The following PTPRO variants were observed in gnomAD, a reference collection of about 807,000 sequenced individuals.
PTPRO encodes protein tyrosine phosphatase receptor type O, also known as receptor-type tyrosine-protein phosphatase O.
In PTPRO, 62 loss-of-function variants were observed where a neutral mutation model predicts 145.2. The ratio of observed to expected loss-of-function variants is 0.43; its 90% CI spans 0.35 to 0.53. The LOEUF is 0.53. Among genes scored for constraint, PTPRO ranks in the 20% least tolerant of loss-of-function variants. PTPRO has a pLI of 0.01. For synonymous variants in PTPRO, 565 were observed against 514.7 expected (o/e 1.10, Z -1.32); for missense variants, 1,345 against 1,482.7 (o/e 0.91, Z 1.53).
At chr12:15,487,688 A>G (rs991431283) in intron 2 of PTPRO, among the ~76,000 whole-genome samples, 1 of 152,146 alleles carries the variant, frequency 6.6e-6, no homozygotes, top group Non-Finnish European at 1.5e-5. Flanking sequence ...GAGAGACAGT[A>G]GACTCTGTTT....
chr12:15,499,797 A>G (rs1055237777), intron 4 of PTPRO, among the ~76,000 whole-genome samples: 23 of 152,226 alleles, frequency 1.5e-4, no homozygotes, highest in African/African-American at 5.5e-4. Flanking sequence ...ATGTCAATGT[A>G]ATCATAGATT....
intron 12 of PTPRO, among the ~76,000 whole-genome samples, chr12:15,540,441 T>C (rs1943158490): frequency 1.3e-5 from 2 of 152,248 alleles, no homozygotes; most frequent in African/African-American, 4.8e-5. Context: ...ATTTTAACAA[T>C]ACTTTTCTAC....
chr12:15,587,246 T>C (rs1944448989), intron 24 of PTPRO, 195 bp downstream of exon 24: 1 of 631,134 alleles, frequency 1.6e-6, no homozygotes, highest in East Asian at 2.9e-5. Context: ...CCCTATAAAA[T>C]AGATGTTATT....
intron 1 of PTPRO, among the ~76,000 whole-genome samples, chr12:15,472,696 G>A (rs1941569277): frequency 6.6e-6 from 1 of 152,174 alleles, no homozygotes; most frequent in African/African-American, 2.4e-5. Context: ...ATATTTGGAT[G>A]CAAATCTTGG....
chr12:15,484,214 A>T lies in PTPRO; in HGVS notation c.316A>T (p.Thr106Ser). 1 of 1,613,476 alleles carries T rather than the reference A, an allele frequency of 6.2e-7. No individual in the cohort carries two copies. ...TLVVVNGNVV[T>S]KPSRSITVLT... ...GGTAGTGGTAAATGGAAATGTGGTG[A>T]CCAAGCCATCCAGATCAATCACTGT... The change falls in exon 2 of 27, where the codon ACC (threonine) becomes TCC (serine). Residue 106 changes from threonine (T) to serine (S), a missense_variant. Physicochemically the swap from Thr to Ser is moderately conservative, Grantham distance 58. Transcript: ENST00000281171.
In PTPRO at chr12:15,552,578, GAATA is replaced by G. The variant is rs1332151363; in HGVS notation, c.2558+908_2558+911del. 2.6e-5 allele frequency among the ~76,000 whole-genome samples: 4 copies of G among 152,198 alleles called. No individual in the cohort carries two copies. In the East Asian group the frequency reaches 7.7e-4, roughly 29 times the overall value. The stretch of plus-strand genomic sequence containing the variant: ...AGCTTACTTACCTAACTGGATATAT[GAATA>G]GATAGATATATTTAAAGGCATAAGC... On this transcript the variant is annotated intron_variant, in intron 15 of 26. Coordinates refer to ENST00000281171, the MANE Select transcript of PTPRO (RefSeq NM_030667.3).
At chr12:15,467,554 C>G (rs928937823) in intron 1 of PTPRO, among the ~76,000 whole-genome samples, 1 of 152,010 alleles carries the variant, frequency 6.6e-6, no homozygotes, top group Non-Finnish European at 1.5e-5. Context: ...TAGTGGCCAT[C>G]ATTTCTCTCC....
At chr12:15,523,240 G>T (rs1174662956) in intron 10 of PTPRO, among the ~76,000 whole-genome samples, 2 of 152,222 alleles carry the variant, frequency 1.3e-5, no homozygotes, top group East Asian at 1.9e-4. Flanking sequence ...TAGGGGAAAT[G>T]ATTCTTTATA....
chr12:15,361,337 G>T (rs1220206403), intron 1 of PTPRO, among the ~76,000 whole-genome samples: 4 of 150,476 alleles, frequency 2.7e-5, no homozygotes, highest in Non-Finnish European at 5.9e-5. Flanking sequence ...TACTCGGGAA[G>T]CTGAGACAGG....
At chr12:15,527,038 A>C (rs1010152497) in intron 12 of PTPRO, among the ~76,000 whole-genome samples, 1 of 152,188 alleles carries the variant, frequency 6.6e-6, no homozygotes, top group African/African-American at 2.4e-5. Context: ...ATTTTAATTA[A>C]AGTAGGGACA....
chr12:15,467,888 GAGAACTATTTGCTATTC>G (rs1263386159), intron 1 of PTPRO, among the ~76,000 whole-genome samples: 11 of 152,122 alleles, frequency 7.2e-5, no homozygotes, highest in Non-Finnish European at 1.5e-4. Context: ...CAGGGTGACG[GAGAACTATTTGCTATTC>G]AGAATGTGAA....
chr12:15,414,344 G>A (rs113824495), intron 1 of PTPRO, among the ~76,000 whole-genome samples: 3 of 152,278 alleles, frequency 2.0e-5, no homozygotes, highest in Non-Finnish European at 2.9e-5. Context: ...ATCTTGAGTA[G>A]CAAAGCATTC....
chr12:15,493,483 C>T (rs1942040550), intron 2 of PTPRO, among the ~76,000 whole-genome samples: 1 of 151,908 alleles, frequency 6.6e-6, no homozygotes. Flanking sequence ...GGAAAAAGAA[C>T]CCCAAAACAG....
chr12:15,472,349 T>C (rs1428380734), intron 1 of PTPRO, among the ~76,000 whole-genome samples: 1 of 152,246 alleles, frequency 6.6e-6, no homozygotes, highest in Non-Finnish European at 1.5e-5. Context: ...TGCTAAACTG[T>C]AATGGAATCA....
At chr12:15,367,821 T>C (rs1275102021) in intron 1 of PTPRO, among the ~76,000 whole-genome samples, 2 of 152,274 alleles carry the variant, frequency 1.3e-5, no homozygotes, top group East Asian at 3.9e-4. Context: ...GACTGCTCCA[T>C]GGACCTGACG....
At chr12:15,557,198 G>T (rs946693366) in intron 15 of PTPRO, among the ~76,000 whole-genome samples, 1 of 151,942 alleles carries the variant, frequency 6.6e-6, no homozygotes, top group Non-Finnish European at 1.5e-5. Context: ...GTGCCACCAC[G>T]CCTAGCTAAT....
At chr12:15,365,401 G>A (rs536567380) in intron 1 of PTPRO, among the ~76,000 whole-genome samples, 65 of 151,714 alleles carry the variant, frequency 4.3e-4, no homozygotes, top group Non-Finnish European at 7.4e-4. Flanking sequence ...TGGGGGAATG[G>A]CTATATATGT....
At position 15,544,826 on chromosome 12, in the gene PTPRO, C is replaced by T. The variant is rs142722287; in HGVS notation, c.2165-1743C>T. ...CCTCTGTGTTTCATTAGCAGTCTTC[C>T]TCAGAGCAGAAGTGGGACAATACAA... On this transcript the variant is annotated intron_variant, in intron 12 of 26. Transcript: ENST00000281171. Among the ~76,000 whole-genome samples the T allele has an allele frequency of 4.4e-3, 670 of 152,286 alleles. 4 individuals are homozygous for T. Among genetic ancestry groups the T allele is most frequent in the African/African-American group, 0.015 (641 of 41,550 alleles).
chr12:15,386,423 C>T (rs566623210), intron 1 of PTPRO, among the ~76,000 whole-genome samples: 1 of 152,012 alleles, frequency 6.6e-6, no homozygotes, highest in Non-Finnish European at 1.5e-5. Context: ...ATACAACTGA[C>T]AAAAAGATTA....
Sources: allele counts gnomAD v4.1 joint callset (sites outside exome capture counted in the v4.1 genomes callset), GRCh38; gene constraint gnomAD v4.1.1; transcripts MANE v1.5; gene names NCBI Gene and HGNC (gene_info 2026-07-23, HGNC 2026-07-21).